TOP1: variants seen among roughly 807,000 people sequenced by gnomAD.
TOP1 encodes DNA topoisomerase I, also known as DNA topoisomerase 1.
Under a neutral mutation model 111.1 loss-of-function variants are expected in TOP1, and 10 were observed. The ratio of observed to expected loss-of-function variants is 0.09; its 90% CI spans 0.06 to 0.15. TOP1 has a LOEUF of 0.15. TOP1 is among the 10% of genes least tolerant of loss of function. The pLI, the probability that TOP1 is intolerant of heterozygous loss-of-function variation, is 1.00. For missense variants in TOP1, 474 were observed against 926.7 expected (o/e 0.51, Z 6.34); for synonymous variants, 271 against 302.9 (o/e 0.89, Z 1.10).
intron 2 of TOP1, among the ~76,000 whole-genome samples, chr20:41,055,774 C>T (rs78317467): frequency 0.066 from 10,006 of 152,156 alleles, 358 homozygotes; most frequent in Middle Eastern, 0.17. Context: ...CTTCTTAGTT[C>T]CTTTGCTGTC....
chr20:41,122,295 TA>T lies in TOP1; in HGVS notation c.2195+141del, dbSNP rs2034435729. 1 of 853,758 alleles carries T rather than the reference TA, an allele frequency of 1.2e-6. No homozygotes were observed. Among genetic ancestry groups the T allele is most frequent in the Non-Finnish European group, 1.9e-6 (1 of 538,682 alleles). 52.9% of individuals were successfully genotyped at this position (853,758 alleles called of 1,614,324 possible). A position where few individuals can be genotyped will look rare whatever the true frequency, so the allele number is the denominator to read the frequency against. ...GGGGAAACTTCTGGCTTCAGCTGTG[TA>T]CAAGTTACTCTGGTTGCTGAACCTT... On this transcript the variant is annotated intron_variant, in intron 20 of 20. Transcript: ENST00000361337. This position sits in a 1 kb window ranked among gnomAD's most constrained non-coding sequence, Gnocchi z 5.4.
intron 2 of TOP1, among the ~76,000 whole-genome samples, chr20:41,059,307 C>A (rs768944653): frequency 1.2e-4 from 18 of 151,266 alleles, no homozygotes; most frequent in Non-Finnish European, 2.4e-4. Flanking sequence ...GCACATATAC[C>A]CCTGAACTTA....
At chr20:41,075,743 T>C (rs1168164177) in intron 3 of TOP1, among the ~76,000 whole-genome samples, 1 of 152,264 alleles carries the variant, frequency 6.6e-6, no homozygotes, top group African/African-American at 2.4e-5. Flanking sequence ...GGCTGTTTAC[T>C]CCATAAACCC....
In TOP1 at chr20:41,071,424, A is replaced by G. The variant is rs1199432229; in HGVS notation, c.156-4747A>G. On this transcript the variant is annotated intron_variant, in intron 3 of 20. Transcript: ENST00000361337. The surrounding 1 kb of genome is among the most constrained non-coding windows in gnomAD (Gnocchi z 4.3). ...CAGTGGCGTGATCTCGGCTCACTGC[A>G]GCCTCTGTCTCCCTGGTTCAAGTGA... is the stretch of plus-strand genomic sequence containing the variant. Among the ~76,000 whole-genome samples the G allele has an allele frequency of 6.6e-6, 1 of 151,490 alleles. No homozygotes were observed. Among genetic ancestry groups the G allele is most frequent in the Non-Finnish European group, 1.5e-5 (1 of 67,946 alleles).
intron 8 of TOP1, among the ~76,000 whole-genome samples, chr20:41,085,570 T>C (rs1486728205): frequency 1.3e-5 from 2 of 152,250 alleles, no homozygotes; most frequent in African/African-American, 4.8e-5. Flanking sequence ...ATTTTGTGTT[T>C]ATGATGAAAA....
At chr20:41,047,060 G>T (rs1274522147) in intron 2 of TOP1, among the ~76,000 whole-genome samples, 1 of 152,234 alleles carries the variant, frequency 6.6e-6, no homozygotes, top group African/African-American at 2.4e-5. Flanking sequence ...AGGTAAGTCA[G>T]GGAGGATATT....
Position 41,029,475 on chromosome 20 carries a change from CG to C in TOP1, c.58+21del. 6.4e-7 allele frequency: 1 copy of C among 1,554,292 alleles called. No homozygotes were observed. ...TGAATGGTGAGTGTGCCCCCTGCGC[CG>C]ACTCCGGGGCCCCCCAGCCGCCGGC... is the stretch of plus-strand genomic sequence containing the variant. On this transcript the variant is annotated intron_variant, in intron 2 of 20. Coordinates refer to ENST00000361337, the MANE Select transcript of TOP1 (RefSeq NM_003286.4). The surrounding 1 kb of genome is among the most constrained non-coding windows in gnomAD (Gnocchi z 6.1).
chr20:41,094,014 C>A lies in TOP1; in HGVS notation c.730+1427C>A, dbSNP rs2033951822. Reference sequence around the variant, plus strand: ...ATTGCAGTGAGCCTAGATCGTGCCACTCCCCTCCAGCCTGTGTGACAGAGT... The same window carrying A: ...ATTGCAGTGAGCCTAGATCGTGCCAATCCCCTCCAGCCTGTGTGACAGAGT... On this transcript the variant is annotated intron_variant, in intron 9 of 20. Coordinates refer to ENST00000361337, the MANE Select transcript of TOP1 (RefSeq NM_003286.4). This position sits in a 1 kb window ranked among gnomAD's most constrained non-coding sequence, Gnocchi z 4.4. 6.6e-6 allele frequency among the ~76,000 whole-genome samples: 1 copy of A among 152,178 alleles called. No individual in the cohort carries two copies. The highest frequency in any genetic ancestry group is 1.9e-4 in the East Asian group (1 of 5,188).
Position 41,058,132 on chromosome 20 carries a change from C to G in TOP1, c.59-3262C>G, listed in dbSNP as rs914559128. Among the ~76,000 whole-genome samples, 1 of 152,166 alleles carries G rather than the reference C, an allele frequency of 6.6e-6. No homozygotes were observed. The highest frequency in any genetic ancestry group is 1.5e-5 in the Non-Finnish European group (1 of 68,032). ...GGATGGGAATTTCTTACAGTTAGTACTACGGTCATGCAGATTTCTATTTTC... is the reference window on the plus strand; with the variant it reads ...GGATGGGAATTTCTTACAGTTAGTAGTACGGTCATGCAGATTTCTATTTTC... On this transcript the variant is annotated intron_variant, in intron 2 of 20. Transcript: ENST00000361337. The surrounding 1 kb of genome is among the most constrained non-coding windows in gnomAD (Gnocchi z 4.2).
rs934731503 is a variant in TOP1, at chr20:41,072,694, C to T, written c.156-3477C>T. ...CAGGTTGGGCTCCAGGCACTCTGCT[C>T]TCCATTTGTGGAGGCAGGGACGGTA... On this transcript the variant is annotated intron_variant, in intron 3 of 20. Transcript: ENST00000361337. 5.1e-6 allele frequency: 5 copies of T among 985,300 alleles called. No individual in the cohort carries two copies. The Admixed American group carries it at 1.8e-4, about 36-fold the overall frequency. 61.0% of individuals were successfully genotyped at this position (985,300 alleles called of 1,614,324 possible).
At chr20:41,068,140 T>C (rs920923505) in intron 3 of TOP1, among the ~76,000 whole-genome samples, 2 of 152,216 alleles carry the variant, frequency 1.3e-5, no homozygotes, top group Non-Finnish European at 2.9e-5. Context: ...TGTATGCATA[T>C]GGTAGGCAGC....
rs1156721815 is a variant in TOP1, at chr20:41,029,681, T to G, written c.58+226T>G. The G allele has an allele frequency of 1.6e-6, 1 of 611,202 alleles. No homozygotes were observed. The highest frequency in any genetic ancestry group is 3.0e-6 in the Non-Finnish European group (1 of 334,898). The allele number at this position is 611,202 out of a possible 1,614,324, so 37.9% of individuals were successfully genotyped here. On this transcript the variant is annotated intron_variant, in intron 2 of 20. Coordinates refer to ENST00000361337, the MANE Select transcript of TOP1 (RefSeq NM_003286.4). This position sits in a 1 kb window ranked among gnomAD's most constrained non-coding sequence, Gnocchi z 6.1. ...CCAAGAGGGGACAACGGAGACCCCG[T>G]GTCGTCCGCCACCGGGCCTCGGGCG... is the stretch of plus-strand genomic sequence containing the variant.
chr20:41,101,144 G>T lies in TOP1; in HGVS notation c.1164-65G>T, dbSNP rs538456538. Reference sequence around the variant, plus strand: ...ATGCTCAGCAGATAGGTCCACTTGGGGTCATGAAAGGTGAAATTATTCCTC... The same window carrying T: ...ATGCTCAGCAGATAGGTCCACTTGGTGTCATGAAAGGTGAAATTATTCCTC... On this transcript the variant is annotated intron_variant, in intron 12 of 20. Coordinates refer to ENST00000361337, the MANE Select transcript of TOP1 (RefSeq NM_003286.4). The surrounding 1 kb of genome is among the most constrained non-coding windows in gnomAD (Gnocchi z 4.1). The T allele has an allele frequency of 4.3e-5, 67 of 1,568,796 alleles. No homozygotes were observed. In the African/African-American group the frequency reaches 6.2e-4, roughly 15 times the overall value.
chr20:41,091,478 G>A (rs1173336455), intron 8 of TOP1, among the ~76,000 whole-genome samples: 1 of 151,654 alleles, frequency 6.6e-6, no homozygotes, highest in Non-Finnish European at 1.5e-5. Flanking sequence ...GAAATATTTA[G>A]TGGTGAAGTA....
At chr20:41,039,735 C>T (rs1172630168) in intron 2 of TOP1, among the ~76,000 whole-genome samples, 7 of 151,958 alleles carry the variant, frequency 4.6e-5, no homozygotes, top group African/African-American at 7.3e-5. Flanking sequence ...GGCGAAACCC[C>T]GTCTCTACTA....
chr20:41,048,123 T>G (rs899929090), intron 2 of TOP1, among the ~76,000 whole-genome samples: 3 of 149,946 alleles, frequency 2.0e-5, no homozygotes, highest in Non-Finnish European at 3.0e-5. Context: ...CCCCAGAGGC[T>G]GACTCAGCAC....
intron 2 of TOP1, among the ~76,000 whole-genome samples, chr20:41,045,864 T>C (rs2033327072): frequency 6.6e-6 from 1 of 152,178 alleles, no homozygotes. Flanking sequence ...CTGTATGCCA[T>C]CTGGGGTTAT....
intron 13 of TOP1, among the ~76,000 whole-genome samples, chr20:41,105,686 C>T (rs1012047809): frequency 2.6e-5 from 4 of 152,006 alleles, no homozygotes; most frequent in African/African-American, 2.4e-5. Context: ...TTAATAGAGA[C>T]GGGATTTCAC....
At chr20:41,052,707 A>G (rs562761254) in intron 2 of TOP1, among the ~76,000 whole-genome samples, 1 of 152,264 alleles carries the variant, frequency 6.6e-6, no homozygotes, top group Admixed American at 6.5e-5. Flanking sequence ...AGAAAAAAAA[A>G]GGACCAGGCA....
Sources: allele counts gnomAD v4.1 joint callset (sites outside exome capture counted in the v4.1 genomes callset), GRCh38; gene constraint gnomAD v4.1.1; non-coding constraint Gnocchi (gnomAD v3.1); transcripts MANE v1.5; gene names NCBI Gene and HGNC (gene_info 2026-07-23, HGNC 2026-07-21).